HOXC4: variants seen among roughly 807,000 people sequenced by gnomAD.
HOXC4 encodes the protein homeobox C4, also known as homeobox protein Hox-C4.
HOXC4 carries 15 observed loss-of-function variants against 25.5 expected under a neutral mutation model. That is an observed-to-expected ratio of 0.59 (90% CI 0.39 to 0.91). The LOEUF is 0.91. Ranked by LOEUF, HOXC4 falls within the 40% of genes least tolerant of loss-of-function variation. HOXC4 has a pLI of 0.00. For synonymous variants in HOXC4, 165 were observed against 148.0 expected, an observed-to-expected ratio of 1.11 and a Z score of -0.83; for missense variants, 342 against 352.4, an observed-to-expected ratio of 0.97 and a Z score of 0.24.
chr12:54,046,988 C>A (rs1201980495), intron 1 of HOXC4, among the ~76,000 whole-genome samples: 1 of 152,238 alleles, frequency 6.6e-6, no homozygotes, highest in Non-Finnish European at 1.5e-5. Context: ...GGGGTAGGGG[C>A]CGCAGTGGGG....
intron 1 of HOXC4, among the ~76,000 whole-genome samples, chr12:54,035,908 T>A (rs1247327257): frequency 6.6e-6 from 1 of 152,084 alleles, no homozygotes; most frequent in Non-Finnish European, 1.5e-5. Context: ...GTATCTAAGA[T>A]ACTGGGGAAG....
chr12:54,026,078 A>G (rs1221936612), intron 1 of HOXC4, among the ~76,000 whole-genome samples: 12 of 152,234 alleles, frequency 7.9e-5, no homozygotes. Flanking sequence ...TGAAGGAAAT[A>G]TCACTGACAT....
chr12:54,048,663 C>T (rs1937777298), intron 1 of HOXC4, among the ~76,000 whole-genome samples: 1 of 152,178 alleles, frequency 6.6e-6, no homozygotes, highest in East Asian at 1.9e-4. Context: ...TTCCCAGTCT[C>T]TGCCTTCTTT....
chr12:54,029,619 G>T, intron 1 of HOXC4: 1 of 1,593,016 alleles, frequency 6.3e-7, no homozygotes, highest in East Asian at 2.2e-5. Context: ...ACGCTTTGCT[G>T]ATTGCTTTTA....
intron 1 of HOXC4, chr12:54,034,207 C>A: frequency 7.2e-7 from 1 of 1,392,236 alleles, no homozygotes; most frequent in Non-Finnish European, 1.0e-6. Context: ...GGGGCCTGGG[C>A]TGGGGTGGGG....
intron 1 of HOXC4, chr12:54,033,980 G>A (rs1373899354): frequency 3.4e-6 from 2 of 586,626 alleles, no homozygotes; most frequent in Non-Finnish European, 6.5e-6. Flanking sequence ...GGTCCCCGGT[G>A]CTCGGATCTC....
chr12:54,034,675 CG>C (rs1164839338), intron 1 of HOXC4: 2 of 589,806 alleles, frequency 3.4e-6, no homozygotes, highest in Non-Finnish European at 6.0e-6. Flanking sequence ...AGGGTTCCCG[CG>C]GGGCTGTCGG....
chr12:54,035,551 G>C (rs1241906779), intron 1 of HOXC4, among the ~76,000 whole-genome samples: 3 of 152,130 alleles, frequency 2.0e-5, no homozygotes, highest in Non-Finnish European at 2.9e-5. Context: ...AGAGCCTCTG[G>C]GGGAAGAGAA....
At chr12:54,027,218 G>A (rs1940758835) in intron 1 of HOXC4, among the ~76,000 whole-genome samples, 1 of 152,182 alleles carries the variant, frequency 6.6e-6, no homozygotes, top group South Asian at 2.1e-4. Flanking sequence ...TAAAATGGGC[G>A]TTGAGGTTGC....
chr12:54,027,896 A>C (rs967033072), intron 1 of HOXC4, among the ~76,000 whole-genome samples: 2 of 151,846 alleles, frequency 1.3e-5, no homozygotes, highest in African/African-American at 2.4e-5. Flanking sequence ...ATTTCTTTCT[A>C]CTTTTGATTT....
chr12:54,036,962 G>A (rs1941195862), intron 1 of HOXC4, among the ~76,000 whole-genome samples: 1 of 152,198 alleles, frequency 6.6e-6, no homozygotes, highest in African/African-American at 2.4e-5. Context: ...GGTTAGAGCT[G>A]CCAGGCAGGG....
chr12:54,029,666 G>A (rs763888269), intron 1 of HOXC4: 4 of 1,612,394 alleles, frequency 2.5e-6, no homozygotes, highest in Non-Finnish European at 3.4e-6. Flanking sequence ...GGTCGGCTAC[G>A]GAGCGGACCG....
Position 54,054,008 on chromosome 12 carries a change from T to C in HOXC4, c.86T>C (p.Ile29Thr). The C allele has an allele frequency of 6.2e-7, 1 of 1,614,088 alleles. No individual in the cohort carries two copies. Among genetic ancestry groups the C allele is most frequent in the Admixed American group, 1.7e-5 (1 of 60,016 alleles). Residue 29 changes from isoleucine (I) to threonine (T), a missense_variant, in exon 1 of 2, where the codon ATC becomes ACC. Coordinates refer to ENST00000430889, the MANE Select transcript of HOXC4 (RefSeq NM_153633.3). ...GAAGAATATTCGCAAAATAGCTACATCCCTGAACACAGTCCGGAATATTAC... is the reference window on the plus strand; with the variant it reads ...GAAGAATATTCGCAAAATAGCTACACCCCTGAACACAGTCCGGAATATTAC... The part of the protein sequence containing the change: ...PCEEYSQNSY[I>T]PEHSPEYYGR...
intron 1 of HOXC4, among the ~76,000 whole-genome samples, chr12:54,025,515 A>C: frequency 9.6e-6 from 1 of 103,878 alleles, no homozygotes; most frequent in South Asian, 4.4e-4. Context: ...TTCCTCAGGA[A>C]TGAAAGGTAA....
chr12:54,026,935 T>A (rs1181851970), intron 1 of HOXC4, among the ~76,000 whole-genome samples: 1 of 143,244 alleles, frequency 7.0e-6, no homozygotes, highest in African/African-American at 2.7e-5. Flanking sequence ...ATAGCCAGCT[T>A]TCCCCCCCCC....
chr12:54,053,893 G>A lies in HOXC4; in HGVS notation c.-30G>A, dbSNP rs1332658950. 3.8e-6 allele frequency: 6 copies of A among 1,562,902 alleles called. No homozygotes were observed. Among genetic ancestry groups the A allele is most frequent in the Non-Finnish European group, 5.3e-6 (6 of 1,139,590 alleles). On this transcript the variant is annotated 5_prime_UTR_variant, in exon 1 of 2. Coordinates refer to ENST00000430889, the MANE Select transcript of HOXC4 (RefSeq NM_153633.3). The stretch of plus-strand genomic sequence containing the variant: ...TTATGGAGCAGAAAAACGACAAAGC[G>A]AGAAAAATTATTTTCCACTCCAGAA...
At chr12:54,029,145 C>A (rs929515341) in intron 1 of HOXC4, among the ~76,000 whole-genome samples, 1 of 151,816 alleles carries the variant, frequency 6.6e-6, no homozygotes, top group African/African-American at 2.4e-5. Context: ...GGCCCCAAGG[C>A]GGGCTGAGGG....
intron 1 of HOXC4, chr12:54,034,611 C>A: frequency 1.2e-6 from 1 of 801,794 alleles, no homozygotes; most frequent in Non-Finnish European, 2.0e-6. Flanking sequence ...ACTGGGCTCC[C>A]GGGCCCCACA....
intron 1 of HOXC4, among the ~76,000 whole-genome samples, chr12:54,040,614 G>C (rs748288974): frequency 6.6e-6 from 1 of 152,222 alleles, no homozygotes; most frequent in African/African-American, 2.4e-5. Flanking sequence ...ACGTTCGCCA[G>C]CGTGATTCTA....
Sources: gnomAD v4.1 joint callset for allele counts (sites outside exome capture counted in the v4.1 genomes callset) on GRCh38, gnomAD v4.1.1 for gene constraint, MANE v1.5 for transcripts, NCBI Gene and HGNC (gene_info 2026-07-23, HGNC 2026-07-21) for gene names.